The following BCL2 variants were observed in gnomAD, a reference collection of about 807,000 sequenced individuals.
BCL2 encodes BCL2 apoptosis regulator.
A neutral mutation model predicts 14.2 loss-of-function variants in BCL2; 1 was observed. The observed-to-expected ratio is 0.07, with a 90% confidence interval of 0.02 to 0.33. The LOEUF (loss-of-function observed/expected upper bound fraction) is 0.33. BCL2 is among the 10% of genes least tolerant of loss of function. The probability of loss-of-function intolerance (pLI) is 0.99; values close to 1 mark genes in which losing one functional copy is unlikely to be tolerated. For synonymous variants in BCL2, 151 were observed against 137.2 expected (o/e 1.10, Z -0.70); for missense variants, 247 against 305.9 (o/e 0.81, Z 1.44).
At chr18:63,247,161 T>C (rs1053832975) in intron 2 of BCL2, among the ~76,000 whole-genome samples, 8 of 151,766 alleles carry the variant, frequency 5.3e-5, no homozygotes, top group African/African-American at 2.4e-5. Context: ...CAAGTACACA[T>C]ACACACGCAC....
intron 2 of BCL2, among the ~76,000 whole-genome samples, chr18:63,264,677 C>T (rs972319220): frequency 6.7e-6 from 1 of 148,778 alleles, no homozygotes; most frequent in African/African-American, 2.4e-5. Flanking sequence ...TAAATATTAA[C>T]AGAAACTGAC....
intron 2 of BCL2, among the ~76,000 whole-genome samples, chr18:63,200,779 G>A (rs764911865): frequency 2.0e-5 from 3 of 151,972 alleles, no homozygotes; most frequent in South Asian, 2.1e-4. Context: ...GCTGGGACAC[G>A]CCTGGTTAAT....
intron 2 of BCL2, among the ~76,000 whole-genome samples, chr18:63,234,869 C>A (rs570493097): frequency 6.6e-6 from 1 of 152,274 alleles, no homozygotes; most frequent in South Asian, 2.1e-4. Flanking sequence ...ATGAAAATCT[C>A]TTAGCAGACC....
At chr18:63,287,875 G>A (rs1253680670) in intron 2 of BCL2, among the ~76,000 whole-genome samples, 2 of 152,128 alleles carry the variant, frequency 1.3e-5, no homozygotes, top group Non-Finnish European at 2.9e-5. Flanking sequence ...AGACTTTCAG[G>A]GCTGGAAAGA....
chr18:63,259,355 G>T (rs1911585683), intron 2 of BCL2, among the ~76,000 whole-genome samples: 2 of 152,220 alleles, frequency 1.3e-5, no homozygotes, highest in Non-Finnish European at 2.9e-5. Flanking sequence ...AACGCAGTTT[G>T]CATGCACGCA....
intron 2 of BCL2, among the ~76,000 whole-genome samples, chr18:63,303,651 G>T (rs922225035): frequency 6.6e-5 from 10 of 152,102 alleles, no homozygotes; most frequent in African/African-American, 2.4e-4. Context: ...CTCTGTTTCC[G>T]CATCTATAAA....
intron 2 of BCL2, among the ~76,000 whole-genome samples, chr18:63,303,711 T>C (rs1913034764): frequency 6.6e-6 from 1 of 152,150 alleles, no homozygotes; most frequent in African/African-American, 2.4e-5. Flanking sequence ...TAATCTCCTA[T>C]CCCTAAAAGT....
intron 2 of BCL2, among the ~76,000 whole-genome samples, chr18:63,193,836 A>C (rs929649092): frequency 6.6e-6 from 1 of 152,110 alleles, no homozygotes. Flanking sequence ...GAAAAGACTG[A>C]TGTAGATTTA....
intron 2 of BCL2, among the ~76,000 whole-genome samples, chr18:63,162,313 T>A (rs1196043164): frequency 6.6e-6 from 1 of 152,112 alleles, no homozygotes; most frequent in Non-Finnish European, 1.5e-5. Flanking sequence ...AATTTAGACC[T>A]CATGAAACAG....
At chr18:63,287,012 T>C (rs1018088409) in intron 2 of BCL2, among the ~76,000 whole-genome samples, 5 of 152,234 alleles carry the variant, frequency 3.3e-5, no homozygotes, top group South Asian at 2.1e-4. Flanking sequence ...AAACATCTTC[T>C]GTAGACATCT....
intron 2 of BCL2, among the ~76,000 whole-genome samples, chr18:63,130,711 T>C (rs1009611080): frequency 6.6e-6 from 1 of 152,244 alleles, no homozygotes; most frequent in Non-Finnish European, 1.5e-5. Context: ...ATGTTTATAG[T>C]GTTTAAAACT....
intron 2 of BCL2, among the ~76,000 whole-genome samples, chr18:63,218,345 C>T (rs1002172596): frequency 6.6e-5 from 10 of 152,080 alleles, no homozygotes; most frequent in South Asian, 2.1e-4. Context: ...CACCAGATCT[C>T]CTAAAACCCT....
chr18:63,154,808 C>G (rs1010458324), intron 2 of BCL2, among the ~76,000 whole-genome samples: 16 of 152,200 alleles, frequency 1.1e-4, no homozygotes, highest in African/African-American at 2.9e-4. Flanking sequence ...TTCCCAGGTT[C>G]TGATAGTGCC....
At chr18:63,148,652 A>C (rs946150185) in intron 2 of BCL2, among the ~76,000 whole-genome samples, 3 of 149,712 alleles carry the variant, frequency 2.0e-5, no homozygotes, top group African/African-American at 7.3e-5. Flanking sequence ...GCTGCCTGGA[A>C]TGTAGTAGGA....
At chr18:63,257,858 G>A (rs573313973) in intron 2 of BCL2, among the ~76,000 whole-genome samples, 5 of 152,320 alleles carry the variant, frequency 3.3e-5, no homozygotes, top group Non-Finnish European at 5.9e-5. Context: ...AGACACAGAC[G>A]AGGCTGAATC....
chr18:63,196,608 T>G (rs1276889319), intron 2 of BCL2, among the ~76,000 whole-genome samples: 1 of 152,084 alleles, frequency 6.6e-6, no homozygotes, highest in African/African-American at 2.4e-5. Context: ...CTATTGAAAA[T>G]TAATGAGAGC....
intron 2 of BCL2, among the ~76,000 whole-genome samples, chr18:63,201,999 G>GA (rs1295321677): frequency 1.3e-5 from 2 of 151,932 alleles, no homozygotes; most frequent in Non-Finnish European, 1.5e-5. Context: ...ATTCTACAAT[G>GA]AAAAAAAGGA....
intron 2 of BCL2, among the ~76,000 whole-genome samples, chr18:63,160,437 A>C (rs2144618156): frequency 6.6e-6 from 1 of 152,276 alleles, no homozygotes. Context: ...ATGTTTAGAA[A>C]GAGGGAAGTT....
intron 2 of BCL2, among the ~76,000 whole-genome samples, chr18:63,176,400 C>A (rs866310334): frequency 6.6e-6 from 1 of 152,156 alleles, no homozygotes; most frequent in Non-Finnish European, 1.5e-5. Flanking sequence ...CTGTCGGCTC[C>A]CAATAGGGTG....
Sources: gnomAD v4.1 joint callset for allele counts (sites outside exome capture counted in the v4.1 genomes callset) on GRCh38, gnomAD v4.1.1 for gene constraint, MANE v1.5 for transcripts, NCBI Gene and HGNC (gene_info 2026-07-23, HGNC 2026-07-21) for gene names.